Variants in HNRNPC observed in about 807,000 individuals in gnomAD.
The protein encoded by HNRNPC is heterogeneous nuclear ribonucleoprotein C.
A neutral mutation model predicts 33.2 loss-of-function variants in HNRNPC; 3 were observed. The observed-to-expected ratio is 0.09, with a 90% CI of 0.04 to 0.23. HNRNPC has a LOEUF of 0.23. Among genes scored for constraint, HNRNPC ranks in the 10% least tolerant of loss-of-function variants. HNRNPC has a pLI of 1.00. For missense variants in HNRNPC, 143 were observed against 366.7 expected, an observed-to-expected ratio of 0.39 and a Z score of 4.98; for synonymous variants, 121 against 126.7, an observed-to-expected ratio of 0.96 and a Z score of 0.30.
At chr14:21,237,433 C>T (rs781312229) in intron 2 of HNRNPC, among the ~76,000 whole-genome samples, 55 of 152,290 alleles carry the variant, frequency 3.6e-4, no homozygotes, top group Admixed American at 1.4e-3. Flanking sequence ...TCTGTATTTT[C>T]CAGGATTGAT....
chr14:21,255,986 T>C (rs1402617174), intron 2 of HNRNPC, among the ~76,000 whole-genome samples: 1 of 152,076 alleles, frequency 6.6e-6, no homozygotes, highest in Non-Finnish European at 1.5e-5. Context: ...TGGAAACATA[T>C]CCAATGTGTT....
At chr14:21,224,377 A>G (rs1893179607) in intron 5 of HNRNPC, among the ~76,000 whole-genome samples, 1 of 152,182 alleles carries the variant, frequency 6.6e-6, no homozygotes, top group Non-Finnish European at 1.5e-5. Flanking sequence ...AGTCAGGTAG[A>G]ATAAAACCAG....
At chr14:21,233,860 A>G in intron 3 of HNRNPC, 93 bp downstream of exon 3, 1 of 1,440,756 alleles carries the variant, frequency 6.9e-7, no homozygotes, top group Non-Finnish European at 9.5e-7. Context: ...AGAATATCTC[A>G]TGCTGTCAGT....
intron 4 of HNRNPC, 31 bp downstream of exon 4, chr14:21,230,966 A>T: frequency 6.2e-7 from 1 of 1,613,278 alleles, no homozygotes; most frequent in Non-Finnish European, 8.5e-7. Flanking sequence ...ACCTGAGTAG[A>T]GGGGACGGAG....
At chr14:21,220,675 C>A (rs966629408) in intron 5 of HNRNPC, among the ~76,000 whole-genome samples, 74 of 152,198 alleles carry the variant, frequency 4.9e-4, no homozygotes, top group African/African-American at 1.6e-3. Context: ...GTGTAACAAA[C>A]CGAACCCTAT....
chr14:21,238,332 G>A (rs920182201), intron 2 of HNRNPC, among the ~76,000 whole-genome samples: 3 of 152,120 alleles, frequency 2.0e-5, no homozygotes, highest in South Asian at 2.1e-4. Context: ...ATCTGAAAAC[G>A]TACAATACAT....
chr14:21,215,427 T>C (rs1185905623), intron 5 of HNRNPC, among the ~76,000 whole-genome samples: 2 of 152,166 alleles, frequency 1.3e-5, no homozygotes, highest in Non-Finnish European at 2.9e-5. Context: ...GAGGCAACAA[T>C]AGCTGATTAC....
intron 2 of HNRNPC, among the ~76,000 whole-genome samples, chr14:21,240,147 G>A (rs1594270005): frequency 1.3e-5 from 2 of 152,110 alleles, no homozygotes; most frequent in South Asian, 2.1e-4. Context: ...CAATAAAAGC[G>A]ATACAAGATT....
intron 2 of HNRNPC, among the ~76,000 whole-genome samples, chr14:21,238,735 C>G (rs1249263754): frequency 5.3e-5 from 8 of 152,022 alleles, no homozygotes; most frequent in Non-Finnish European, 1.2e-4. Flanking sequence ...CAAGCTAACC[C>G]AGGGATCCTA....
chr14:21,242,361 A>G (rs774014363), intron 2 of HNRNPC, among the ~76,000 whole-genome samples: 7 of 152,114 alleles, frequency 4.6e-5, no homozygotes, highest in Admixed American at 6.6e-5. Context: ...TCAAGCGCCT[A>G]TAATTCCAGC....
rs571994871 is a variant in HNRNPC, at chr14:21,211,532, C to A, written c.672G>T (p.Gln224His). ...CATCTTTCTTCACGGAGCTGCTGCT[C>A]TGCTCCTCTTCTGACTTATCATTCT... Reference protein sequence around the residue: ...EMKNDKSEEEQSSSSVKKDET... With the variant: ...EMKNDKSEEEHSSSSVKKDET... Residue 224 changes from glutamine (Q) to histidine (H), a missense_variant, in exon 8 of 9, where the codon CAG (glutamine) becomes CAT (histidine). Physicochemically the swap from Gln to His is conservative, Grantham distance 24 (BLOSUM62 0). This residue lies in a region of HNRNPC where 131 missense variants were observed against 253.0 expected (regional missense o/e 0.52). Coordinates refer to ENST00000553300, the MANE Select transcript of HNRNPC (RefSeq NM_004500.4). 1.2e-6 allele frequency: 2 copies of A among 1,612,040 alleles called. No individual in the cohort carries two copies. The highest frequency in any genetic ancestry group is 2.7e-5 in the African/African-American group (2 of 74,958).
At chr14:21,263,500 T>C (rs1878525088) in intron 1 of HNRNPC, 164 bp from the exon 2 acceptor site, 1 of 152,088 alleles carries the variant, frequency 6.6e-6, no homozygotes, top group Non-Finnish European at 1.5e-5. Context: ...TTCCACATCA[T>C]CAATCAATCT....
intron 5 of HNRNPC, among the ~76,000 whole-genome samples, chr14:21,226,899 G>GAAAAAAAAAA (rs763914963): frequency 9.4e-6 from 1 of 106,356 alleles, no homozygotes; most frequent in African/African-American, 3.9e-5. Flanking sequence ...AAAAAAAGGG[G>GAAAAAAAAAA]GGGGGGGGAC....
chr14:21,253,129 G>A (rs991070189), intron 2 of HNRNPC, among the ~76,000 whole-genome samples: 7 of 146,240 alleles, frequency 4.8e-5, no homozygotes, highest in African/African-American at 7.6e-5. Flanking sequence ...AGCCGGGATC[G>A]CACCACTGCA....
At chr14:21,240,942 C>T (rs1220973276) in intron 2 of HNRNPC, among the ~76,000 whole-genome samples, 1 of 152,106 alleles carries the variant, frequency 6.6e-6, no homozygotes, top group Non-Finnish European at 1.5e-5. Context: ...AAATTCAAAA[C>T]CCTGCCTTAC....
chr14:21,262,135 C>A (rs1353987694), intron 2 of HNRNPC, among the ~76,000 whole-genome samples: 2 of 152,098 alleles, frequency 1.3e-5, no homozygotes, highest in African/African-American at 4.8e-5. Context: ...AAAAGCCCTC[C>A]AGTGAGACAG....
At chr14:21,253,328 T>C (rs981161914) in intron 2 of HNRNPC, among the ~76,000 whole-genome samples, 1 of 120,874 alleles carries the variant, frequency 8.3e-6, no homozygotes, top group Admixed American at 8.0e-5. Context: ...AAAAAAAAAA[T>C]ACAAAAAATT....
intron 1 of HNRNPC, among the ~76,000 whole-genome samples, chr14:21,265,800 G>A (rs1254832175): frequency 2.0e-5 from 3 of 152,254 alleles, no homozygotes; most frequent in South Asian, 2.1e-4. Flanking sequence ...CTTACCTAAA[G>A]CTCAGAGATA....
At chr14:21,221,732 T>C (rs1892842106) in intron 5 of HNRNPC, among the ~76,000 whole-genome samples, 1 of 152,034 alleles carries the variant, frequency 6.6e-6, no homozygotes, top group Admixed American at 6.6e-5. Flanking sequence ...TGGGTAATAA[T>C]CTGAATACAT....
Sources: gnomAD v4.1 joint callset for allele counts (sites outside exome capture counted in the v4.1 genomes callset) on GRCh38, gnomAD v4.1.1 for gene constraint, gnomAD v4.1.1 regional missense constraint, MANE v1.5 for transcripts, NCBI Gene and HGNC (gene_info 2026-07-23, HGNC 2026-07-21) for gene names.